HS3ST5: variants seen among roughly 807,000 people sequenced by gnomAD.
HS3ST5 encodes heparan sulfate-glucosamine 3-sulfotransferase 5.
HS3ST5 carries 10 observed loss-of-function variants against 25.4 expected under a neutral mutation model. That is an observed-to-expected ratio of 0.39 (90% CI 0.24 to 0.67). The LOEUF (loss-of-function observed/expected upper bound fraction) is 0.67. Among genes scored for constraint, HS3ST5 ranks in the 30% least tolerant of loss-of-function variants. The probability of loss-of-function intolerance (pLI) is 0.44; values close to 1 mark genes in which losing one functional copy is unlikely to be tolerated. For synonymous variants in HS3ST5, 170 were observed against 162.4 expected (o/e 1.05, Z -0.36); for missense variants, 324 against 420.7 (o/e 0.77, Z 2.01).
intron 3 of HS3ST5, among the ~76,000 whole-genome samples, chr6:114,099,708 A>T (rs1775626396): frequency 6.6e-6 from 1 of 152,158 alleles, no homozygotes; most frequent in Non-Finnish European, 1.5e-5. Flanking sequence ...AATAATCCAC[A>T]TATATTGCTA....
intron 1 of HS3ST5, among the ~76,000 whole-genome samples, chr6:114,241,132 G>GTTTTTTTTTTTT (rs34220294): frequency 2.5e-5 from 3 of 117,816 alleles, no homozygotes; most frequent in African/African-American, 6.2e-5. Context: ...AGAAAAATCA[G>GTTTTTTTTTTTT]TTTTTTTTTT....
chr6:114,157,072 C>T (rs1050924635), intron 3 of HS3ST5, among the ~76,000 whole-genome samples: 1 of 152,170 alleles, frequency 6.6e-6, no homozygotes, highest in African/African-American at 2.4e-5. Context: ...GTGAAATGCA[C>T]TGTCTTCCAC....
chr6:114,271,276 G>T (rs1334949822), intron 1 of HS3ST5, among the ~76,000 whole-genome samples: 1 of 151,916 alleles, frequency 6.6e-6, no homozygotes, highest in Non-Finnish European at 1.5e-5. Flanking sequence ...ATCTCATCAG[G>T]CCCACTCCCT....
intron 1 of HS3ST5, among the ~76,000 whole-genome samples, chr6:114,253,868 G>A (rs1028647010): frequency 2.0e-5 from 3 of 152,100 alleles, no homozygotes; most frequent in Non-Finnish European, 4.4e-5. Flanking sequence ...CATTGCCTCA[G>A]GTAAGGAATA....
chr6:114,218,574 C>T (rs556538768), intron 2 of HS3ST5, among the ~76,000 whole-genome samples: 3 of 152,152 alleles, frequency 2.0e-5, no homozygotes, highest in African/African-American at 2.4e-5. Flanking sequence ...TCAGTAGGTG[C>T]GAGGTTTCGA....
intron 2 of HS3ST5, among the ~76,000 whole-genome samples, chr6:114,181,062 A>C (rs1420117610): frequency 6.6e-6 from 1 of 152,202 alleles, no homozygotes; most frequent in Non-Finnish European, 1.5e-5. Flanking sequence ...GATTTGAAGA[A>C]CTGTTAAAAC....
At chr6:114,102,190 G>T (rs1376325882) in intron 3 of HS3ST5, among the ~76,000 whole-genome samples, 1 of 152,156 alleles carries the variant, frequency 6.6e-6, no homozygotes, top group Non-Finnish European at 1.5e-5. Context: ...ATGTACTCAT[G>T]AACCTAAAAT....
chr6:114,162,110 T>A (rs988189160), intron 3 of HS3ST5, among the ~76,000 whole-genome samples: 5 of 152,132 alleles, frequency 3.3e-5, no homozygotes, highest in African/African-American at 1.2e-4. Context: ...ATAAAATTAT[T>A]CTCTCAGTAA....
At chr6:114,096,406 C>T (rs562802054) in intron 3 of HS3ST5, among the ~76,000 whole-genome samples, 4 of 152,188 alleles carry the variant, frequency 2.6e-5, no homozygotes, top group African/African-American at 7.2e-5. Context: ...GGTAAGTGTA[C>T]GCTTTTACCA....
chr6:114,273,689 T>TTG (rs201561525), intron 1 of HS3ST5, among the ~76,000 whole-genome samples: 2,420 of 152,006 alleles, frequency 0.016, 76 homozygotes, highest in African/African-American at 0.055. Flanking sequence ...GAGTAACTGA[T>TTG]TGTGTCAAAT....
chr6:114,313,401 C>G (rs1406087997), intron 1 of HS3ST5, among the ~76,000 whole-genome samples: 1 of 152,124 alleles, frequency 6.6e-6, no homozygotes, highest in Non-Finnish European at 1.5e-5. Flanking sequence ...TTCACAGCAG[C>G]TTTGTTTATA....
chr6:114,159,184 A>G (rs35933457), intron 3 of HS3ST5, among the ~76,000 whole-genome samples: 34,705 of 152,216 alleles, frequency 0.23, 4,136 homozygotes, highest in Middle Eastern at 0.3. Context: ...CTTGTTGGCC[A>G]TATCTATGAA....
intron 2 of HS3ST5, among the ~76,000 whole-genome samples, 162 bp downstream of exon 2, chr6:114,228,419 TTTTA>T (rs2114522513): frequency 6.6e-6 from 1 of 152,316 alleles, no homozygotes; most frequent in South Asian, 2.1e-4. Context: ...AAACATTATG[TTTTA>T]TTTATTTCCC....
intron 3 of HS3ST5, among the ~76,000 whole-genome samples, chr6:114,100,592 T>G (rs1196348753): frequency 6.6e-6 from 1 of 152,192 alleles, no homozygotes; most frequent in East Asian, 1.9e-4. Flanking sequence ...ACATACCATG[T>G]TTCTTGGGGG....
At chr6:114,181,117 T>C (rs543677151) in intron 2 of HS3ST5, among the ~76,000 whole-genome samples, 13 of 152,340 alleles carry the variant, frequency 8.5e-5, no homozygotes, top group Non-Finnish European at 1.6e-4. Context: ...TTTCCAAAAG[T>C]AGTTCCTCAG....
At chr6:114,230,683 G>A (rs1038797415) in intron 1 of HS3ST5, among the ~76,000 whole-genome samples, 2 of 151,054 alleles carry the variant, frequency 1.3e-5, no homozygotes, top group Non-Finnish European at 2.9e-5. Flanking sequence ...CATCTTCTGG[G>A]TTCAAGTGTT....
intron 1 of HS3ST5, among the ~76,000 whole-genome samples, chr6:114,246,321 G>T (rs1311869229): frequency 2.0e-5 from 3 of 152,210 alleles, no homozygotes; most frequent in Non-Finnish European, 4.4e-5. Flanking sequence ...TGAGGCACAT[G>T]AGTTTTGTAA....
chr6:114,234,051 C>T (rs977804334), intron 1 of HS3ST5, among the ~76,000 whole-genome samples: 5 of 151,986 alleles, frequency 3.3e-5, no homozygotes, highest in Admixed American at 1.3e-4. Context: ...AGTTGGAGAA[C>T]GGTAGGCAGA....
chr6:114,331,804 C>T (rs1023146382), intron 1 of HS3ST5, among the ~76,000 whole-genome samples: 7 of 151,990 alleles, frequency 4.6e-5, no homozygotes, highest in Admixed American at 2.0e-4. Flanking sequence ...ATACGTTGTT[C>T]GCTAATCTTC....
Sources: allele counts gnomAD v4.1 joint callset (sites outside exome capture counted in the v4.1 genomes callset), GRCh38; gene constraint gnomAD v4.1.1; transcripts MANE v1.5; gene names NCBI Gene and HGNC (gene_info 2026-07-23, HGNC 2026-07-21).